The following DGKI variants were observed in gnomAD, a reference collection of about 807,000 sequenced individuals.
The protein encoded by DGKI is diacylglycerol kinase iota, also known as DAG kinase iota.
A neutral mutation model predicts 147.5 loss-of-function variants in DGKI; 55 were observed. The ratio of observed to expected loss-of-function variants is 0.37; its 90% confidence interval spans 0.30 to 0.47. The LOEUF (loss-of-function observed/expected upper bound fraction) is 0.47. Ranked by LOEUF, DGKI falls within the 20% of genes least tolerant of loss-of-function variation. The probability of loss-of-function intolerance (pLI) is 1.00; values close to 1 mark genes in which losing one functional copy is unlikely to be tolerated. For missense variants in DGKI, 1,007 were observed against 1,323.8 expected (o/e 0.76, Z 3.71); for synonymous variants, 469 against 477.1 (o/e 0.98, Z 0.22).
intron 21 of DGKI, among the ~76,000 whole-genome samples, chr7:137,497,084 C>T (rs1198586113): frequency 6.7e-6 from 1 of 149,372 alleles, no homozygotes. Context: ...TATCCAGCAC[C>T]TATAAAGAAC....
chr7:137,670,685 G>T (rs768756503), intron 3 of DGKI, among the ~76,000 whole-genome samples: 1 of 152,128 alleles, frequency 6.6e-6, no homozygotes, highest in Non-Finnish European at 1.5e-5. Context: ...GGTGAAAAAG[G>T]CCCCTGGCAG....
intron 20 of DGKI, among the ~76,000 whole-genome samples, chr7:137,531,260 G>A (rs1333501784): frequency 6.6e-6 from 1 of 152,142 alleles, no homozygotes; most frequent in African/African-American, 2.4e-5. Context: ...ATGGGAACAA[G>A]TAAAAACTCA....
chr7:137,669,152 A>G (rs975640741), intron 3 of DGKI, among the ~76,000 whole-genome samples: 2 of 152,166 alleles, frequency 1.3e-5, no homozygotes, highest in Non-Finnish European at 2.9e-5. Flanking sequence ...ACGCTTCATC[A>G]ACACATTACC....
At chr7:137,680,062 G>C (rs1386505094) in intron 2 of DGKI, among the ~76,000 whole-genome samples, 1 of 151,308 alleles carries the variant, frequency 6.6e-6, no homozygotes, top group Non-Finnish European at 1.5e-5. Context: ...GTGGAGATGA[G>C]ACTTTGGGAA....
chr7:137,748,976 T>C (rs1269101605), intron 1 of DGKI, among the ~76,000 whole-genome samples: 2 of 152,196 alleles, frequency 1.3e-5, no homozygotes, highest in Non-Finnish European at 2.9e-5. Flanking sequence ...GTATCGTGCC[T>C]TATAGACAAT....
intron 28 of DGKI, among the ~76,000 whole-genome samples, chr7:137,415,982 T>A (rs1248860936): frequency 7.5e-6 from 1 of 133,100 alleles, no homozygotes; most frequent in Non-Finnish European, 1.6e-5. Context: ...AGAGTGAGAC[T>A]CTGTCTCAAA....
In DGKI at chr7:137,466,902, C is replaced by T. The variant is rs1814682090; in HGVS notation, c.2484G>A (p.Gln828=). 6.2e-7 allele frequency: 1 copy of T among 1,613,926 alleles called. No individual in the cohort carries two copies. Among genetic ancestry groups the T allele is most frequent in the African/African-American group, 1.3e-5 (1 of 74,910 alleles). ...ADRFYRIDRS[Q]EHLHFVMEIS... is the part of the protein sequence containing the mutation. ...ACAAGCAGGCTGGAAAAAAACTTAC[C>T]TGAGATCTGTCTATTCGATAAAAGC... Residue 828 remains glutamine (Q), a splice_region_variant and synonymous_variant, in exon 25 of 33, where the codon CAG becomes CAA. Coordinates refer to ENST00000614521, the MANE Select transcript of DGKI (RefSeq NM_001321708.2).
At chr7:137,645,203 C>T (rs1281196531) in intron 6 of DGKI, among the ~76,000 whole-genome samples, 2 of 152,194 alleles carry the variant, frequency 1.3e-5, no homozygotes, top group Non-Finnish European at 2.9e-5. Flanking sequence ...ACAAAACAGT[C>T]ATGTTTTCAA....
At chr7:137,551,465 C>G (rs765947962) in intron 20 of DGKI, among the ~76,000 whole-genome samples, 12 of 152,182 alleles carry the variant, frequency 7.9e-5, no homozygotes, top group Admixed American at 6.5e-5. Flanking sequence ...CCATGCATTA[C>G]AGGCCACAAA....
intron 12 of DGKI, among the ~76,000 whole-genome samples, chr7:137,588,192 G>C (rs969523600): frequency 2.0e-5 from 3 of 152,040 alleles, no homozygotes; most frequent in Admixed American, 2.0e-4. Flanking sequence ...ATTTTGATAC[G>C]AAGTACATAA....
rs76056262 is a variant in DGKI at position 137,747,948 on chromosome 7, T to C, written c.402-57946A>G. On this transcript the variant is annotated intron_variant, in intron 1 of 32. Coordinates refer to ENST00000614521, the MANE Select transcript of DGKI (RefSeq NM_001321708.2). ...ACTCTAGCTAGCCAATCCTAACAAA[T>C]GCAAACACATTTTACGACAAGGAAA... 2.3e-3 allele frequency among the ~76,000 whole-genome samples: 350 copies of C among 152,298 alleles called. 11 individuals are homozygous for C. The East Asian group carries it at 0.05, about 22-fold the overall frequency.
intron 28 of DGKI, among the ~76,000 whole-genome samples, chr7:137,437,603 T>TA (rs1813332302): frequency 6.6e-6 from 1 of 152,160 alleles, no homozygotes; most frequent in Non-Finnish European, 1.5e-5. Context: ...GCAATTTTCA[T>TA]AAAAAATTTC....
intron 32 of DGKI, 140 bp from the exon 33 acceptor site, chr7:137,391,476 C>T (rs1811363532): frequency 1.7e-6 from 1 of 605,672 alleles, no homozygotes; most frequent in Admixed American, 3.2e-5. Context: ...AGTAAGGATC[C>T]TTTCACATTT....
At chr7:137,399,611 T>G (rs1041818378) in intron 30 of DGKI, among the ~76,000 whole-genome samples, 2 of 152,164 alleles carry the variant, frequency 1.3e-5, no homozygotes, top group Non-Finnish European at 2.9e-5. Context: ...CACAGGGTTG[T>G]TGTGAGAGTT....
At chr7:137,485,508 A>T in intron 22 of DGKI, 90 bp from the exon 23 acceptor site, 3 of 949,600 alleles carry the variant, frequency 3.2e-6, no homozygotes, top group Non-Finnish European at 4.9e-6. Flanking sequence ...CTCCCAATTT[A>T]ATATTACTAT....
At chr7:137,692,841 C>T (rs901996631) in intron 1 of DGKI, among the ~76,000 whole-genome samples, 1 of 152,022 alleles carries the variant, frequency 6.6e-6, no homozygotes, top group Admixed American at 6.5e-5. Flanking sequence ...TTTATGTCTA[C>T]ACACATAAAC....
At chr7:137,496,278 A>C (rs1815961685) in intron 21 of DGKI, among the ~76,000 whole-genome samples, 1 of 152,142 alleles carries the variant, frequency 6.6e-6, no homozygotes, top group African/African-American at 2.4e-5. Flanking sequence ...CTATAATGAC[A>C]ATTACAAAAC....
intron 27 of DGKI, among the ~76,000 whole-genome samples, chr7:137,455,643 G>GGA (rs1814167768): frequency 8.2e-6 from 1 of 121,492 alleles, no homozygotes; most frequent in Non-Finnish European, 1.7e-5. Context: ...AAAAAAAGGG[G>GGA]GGGGGGCGGG....
chr7:137,609,810 C>T (rs1820306932), intron 8 of DGKI, among the ~76,000 whole-genome samples: 1 of 152,096 alleles, frequency 6.6e-6, no homozygotes, highest in South Asian at 2.1e-4. Flanking sequence ...TGACTCTCCA[C>T]CACACGGAGA....
Sources: allele counts gnomAD v4.1 joint callset (sites outside exome capture counted in the v4.1 genomes callset), GRCh38; gene constraint gnomAD v4.1.1; transcripts MANE v1.5; gene names NCBI Gene and HGNC (gene_info 2026-07-23, HGNC 2026-07-21).